GATM: variants seen among roughly 807,000 people sequenced by gnomAD.
GATM encodes glycine amidinotransferase.
A neutral mutation model predicts 54.2 loss-of-function variants in GATM; 23 were observed. The observed-to-expected ratio is 0.42, with a 90% CI of 0.31 to 0.60. GATM has a LOEUF of 0.60. Ranked by LOEUF, GATM falls within the 20% of genes least tolerant of loss-of-function variation. The pLI, the probability that GATM is intolerant of heterozygous loss-of-function variation, is 0.14. For synonymous variants in GATM, 168 were observed against 183.1 expected (o/e 0.92, Z 0.67); for missense variants, 401 against 544.9 (o/e 0.74, Z 2.63).
At chr15:45,386,576 C>T (rs1713716235) in intron 3 of GATM, among the ~76,000 whole-genome samples, 2 of 152,162 alleles carry the variant, frequency 1.3e-5, no homozygotes, top group South Asian at 2.1e-4. Context: ...GGGAGATTAG[C>T]GTGGGAAGAC....
chr15:45,364,942 T>A, intron 6 of GATM, 82 bp from the exon 7 acceptor site: 1 of 1,122,206 alleles, frequency 8.9e-7, no homozygotes, highest in Non-Finnish European at 1.3e-6. Flanking sequence ...CCCTTATCAG[T>A]AATAATTCTC....
rs2140638688 is a variant in GATM, at chr15:45,363,984, A to C, written c.1075T>G (p.Ser359Ala). 1 of 1,612,750 alleles carries C rather than the reference A, an allele frequency of 6.2e-7. No homozygotes were observed. The highest frequency in any genetic ancestry group is 2.2e-5 in the East Asian group (1 of 44,866). The change falls in exon 8 of 9, where the codon TCC becomes GCC. Residue 359 changes from serine (S) to alanine (A), a missense_variant. Physicochemically the swap from Ser to Ala is moderately conservative, Grantham distance 99. This residue lies in a region of GATM where 321 missense variants were observed against 457.5 expected (regional missense o/e 0.70). Coordinates refer to ENST00000396659, the MANE Select transcript of GATM (RefSeq NM_001482.3). ...HPLWMSSKWL[S>A]MNVLMLDEKR... ...TCATCTAGCATTAAGACATTCATGG[A>C]AAGCCATTTGGATGACATCCAGAGT...
intron 7 of GATM, chr15:45,364,568 T>G: frequency 2.0e-6 from 1 of 504,052 alleles, no homozygotes; most frequent in African/African-American, 1.9e-5. Flanking sequence ...TTGCTTTACG[T>G]GATGTTGTTT....
chr15:45,370,629 A>C (rs1889526953), intron 2 of GATM, among the ~76,000 whole-genome samples: 1 of 152,236 alleles, frequency 6.6e-6, no homozygotes, highest in Non-Finnish European at 1.5e-5. Context: ...TAACTGAAAA[A>C]AAATTTAGAA....
chr15:45,392,324 G>C (rs1410219321), intron 3 of GATM, among the ~76,000 whole-genome samples: 1 of 152,208 alleles, frequency 6.6e-6, no homozygotes, highest in Admixed American at 6.5e-5. Context: ...TTCTCTCTAC[G>C]TGACTACAAC....
chr15:45,362,335 A>C (rs1458411049), intron 8 of GATM, 114 bp from the exon 9 acceptor site: 1 of 705,776 alleles, frequency 1.4e-6, no homozygotes, highest in South Asian at 1.5e-5. Flanking sequence ...AAGGATACCC[A>C]ACCCAGAATA....
In GATM at chr15:45,364,870, C is replaced by G. The variant is rs1216264218; in HGVS notation, c.979-10G>C. The G allele has an allele frequency of 6.2e-7, 1 of 1,606,256 alleles. No individual in the cohort carries two copies. Among genetic ancestry groups the G allele is most frequent in the Non-Finnish European group, 8.5e-7 (1 of 1,174,326 alleles). ...TCTTGAAAAGATCAATCTGTAAGAC[C>G]AAAAAAAACCCCCAAAACCGTTAAA... On this transcript the variant is annotated splice_polypyrimidine_tract_variant and intron_variant, in intron 6 of 8. Coordinates refer to ENST00000396659, the MANE Select transcript of GATM (RefSeq NM_001482.3).
intron 1 of GATM, chr15:45,377,717 G>C: frequency 6.1e-6 from 1 of 165,244 alleles, no homozygotes; most frequent in South Asian, 1.6e-4. Flanking sequence ...GAGGAAGCCA[G>C]AATGTCGGAG....
In GATM at chr15:45,378,406, C is replaced by T. The variant is rs587780951; in HGVS notation, c.48G>A (p.Ala16=). ...GCACCCGAGATCCGATGTAGTGCAC[C>T]GCCTCGGCGCCGCGGCTCCCGCCGC... The part of the protein sequence containing the change: ...CLRGGSRGAE[A]VHYIGSRLGR... Residue 16 remains alanine (A), a synonymous_variant, in exon 1 of 9, where the codon GCG becomes GCA. Coordinates refer to ENST00000396659, the MANE Select transcript of GATM (RefSeq NM_001482.3). 2.7e-6 allele frequency: 4 copies of T among 1,506,522 alleles called. No homozygotes were observed. Among genetic ancestry groups the T allele is most frequent in the Non-Finnish European group, 3.5e-6 (4 of 1,134,304 alleles). The allele number at this position is 1,506,522 out of a possible 1,614,324, so 93.3% of individuals were successfully genotyped here.
chr15:45,377,750 G>A (rs933777509), intron 1 of GATM: 1 of 158,430 alleles, frequency 6.3e-6, no homozygotes, highest in African/African-American at 2.4e-5. Flanking sequence ...TAGAAGCATG[G>A]GAGGGTCTGC....
At chr15:45,383,088 G>A (rs943243808), upstream of GATM, among the ~76,000 whole-genome samples, 4 of 152,134 alleles carry the variant, frequency 2.6e-5, no homozygotes, top group Non-Finnish European at 5.9e-5. Flanking sequence ...CTAGCACAGT[G>A]CCTGACACAG....
At chr15:45,387,100 G>A (rs1341791816) in intron 3 of GATM, among the ~76,000 whole-genome samples, 1 of 152,206 alleles carries the variant, frequency 6.6e-6, no homozygotes, top group Admixed American at 6.5e-5. Context: ...TGACCTGTGA[G>A]GCATGAGGTT....
At chr15:45,392,324 G>A (rs1410219321) in intron 3 of GATM, among the ~76,000 whole-genome samples, 3 of 152,208 alleles carry the variant, frequency 2.0e-5, no homozygotes, top group Non-Finnish European at 4.4e-5. Flanking sequence ...TTCTCTCTAC[G>A]TGACTACAAC....
At chr15:45,380,249 GAA>G (rs35353298), upstream of GATM, 42,368 of 119,524 alleles carry the variant, frequency 0.35, 7,351 homozygotes, top group East Asian at 0.83. Context: ...TCCATCTGGG[GAA>G]AAAAAAAAAA....
chr15:45,394,507 G>A (rs187106365), intron 3 of GATM, among the ~76,000 whole-genome samples: 2 of 152,348 alleles, frequency 1.3e-5, no homozygotes, highest in African/African-American at 4.8e-5. Context: ...AGGAAAACCA[G>A]AGGAAGAATT....
At chr15:45,387,489 A>G (rs1889816612) in intron 3 of GATM, among the ~76,000 whole-genome samples, 1 of 152,208 alleles carries the variant, frequency 6.6e-6, no homozygotes, top group Non-Finnish European at 1.5e-5. Flanking sequence ...CATCTCCAGA[A>G]GAATGAAGCA....
At chr15:45,388,048 A>G (rs1889824615) in intron 3 of GATM, among the ~76,000 whole-genome samples, 1 of 152,152 alleles carries the variant, frequency 6.6e-6, no homozygotes. Context: ...GAATCTTGCT[A>G]TGTTGCCCAG....
At position 45,393,170 on chromosome 15, in the gene GATM, AT is replaced by A. The variant is rs1227844991; in HGVS notation, c.-319+3751del. ...TGAGGTAGGTATTAGTTTTATTTCC[AT>A]TTTACAAATGATTAAAATCAGGTGT... On this transcript the variant is annotated intron_variant, in intron 3 of 4. Transcript: ENST00000561148. Among the ~76,000 whole-genome samples the A allele has an allele frequency of 2.0e-5, 3 of 152,228 alleles. No individual in the cohort carries two copies. In the East Asian group the frequency reaches 5.8e-4, roughly 29 times the overall value.
intron 3 of GATM, among the ~76,000 whole-genome samples, chr15:45,390,441 T>C (rs989511320): frequency 6.6e-5 from 10 of 152,192 alleles, no homozygotes; most frequent in Non-Finnish European, 1.3e-4. Flanking sequence ...AAAATTATTT[T>C]CCTTAAATGA....
Sources: gnomAD v4.1 joint callset for allele counts (sites outside exome capture counted in the v4.1 genomes callset) on GRCh38, gnomAD v4.1.1 for gene constraint, gnomAD v4.1.1 regional missense constraint, MANE v1.5 for transcripts, NCBI Gene and HGNC (gene_info 2026-07-23, HGNC 2026-07-21) for gene names.